Variants in DGKI observed in about 807,000 individuals in gnomAD.
DGKI encodes diacylglycerol kinase iota.
In DGKI, 55 loss-of-function variants were observed where a neutral mutation model predicts 147.5. That is an observed-to-expected ratio of 0.37 (90% CI 0.30 to 0.47). DGKI has a LOEUF of 0.47. Among genes scored for constraint, DGKI ranks in the 20% least tolerant of loss-of-function variants. DGKI has a pLI of 1.00. For missense variants in DGKI, 1,007 were observed against 1,323.8 expected (o/e 0.76, Z 3.71); for synonymous variants, 469 against 477.1 (o/e 0.98, Z 0.22).
At chr7:137,567,250 G>C (rs1411896574) in intron 19 of DGKI, among the ~76,000 whole-genome samples, 1 of 136,542 alleles carries the variant, frequency 7.3e-6, no homozygotes, top group Non-Finnish European at 1.5e-5. Flanking sequence ...GGCAACAAGA[G>C]CAAAACTCCA....
intron 23 of DGKI, among the ~76,000 whole-genome samples, chr7:137,472,396 A>ATGTATATATACAT (rs1396290321): frequency 0.012 from 1,122 of 94,380 alleles, 29 homozygotes; most frequent in African/African-American, 0.019. Flanking sequence ...TACATATTAT[A>ATGTATATATACAT]ATTATTATAT....
Position 137,444,072 on chromosome 7 carries a change from C to A in DGKI, c.2761+5G>T. The A allele has an allele frequency of 6.4e-7, 1 of 1,565,258 alleles. No homozygotes were observed. Among genetic ancestry groups the A allele is most frequent in the Non-Finnish European group, 8.7e-7 (1 of 1,154,514 alleles). ...ATTGGTATAAATAAGACAGATGATT[C>A]TTACCATGATCTTCTGAAGAGACTG... On this transcript the variant is annotated splice_donor_5th_base_variant and intron_variant, in intron 28 of 32. Transcript: ENST00000614521.
chr7:137,469,797 T>G (rs1814811448), intron 23 of DGKI, among the ~76,000 whole-genome samples, 178 bp from the exon 24 acceptor site: 1 of 152,226 alleles, frequency 6.6e-6, no homozygotes, highest in Admixed American at 6.5e-5. Context: ...CATAGAACTT[T>G]TGAAAATGAC....
chr7:137,824,796 G>T (rs995850273), intron 1 of DGKI, among the ~76,000 whole-genome samples: 1 of 152,150 alleles, frequency 6.6e-6, no homozygotes, highest in Admixed American at 6.5e-5. Flanking sequence ...AGTTATAAGT[G>T]AGAGCATGCA....
intron 5 of DGKI, among the ~76,000 whole-genome samples, chr7:137,649,764 T>C (rs555138667): frequency 1.1e-4 from 16 of 147,128 alleles, no homozygotes; most frequent in African/African-American, 3.7e-4. Context: ...AAAAATTTTA[T>C]ATATATATGT....
intron 1 of DGKI, among the ~76,000 whole-genome samples, chr7:137,752,411 G>A (rs529193034): frequency 1.3e-5 from 2 of 152,108 alleles, no homozygotes; most frequent in Non-Finnish European, 2.9e-5. Flanking sequence ...CAAAATGTAC[G>A]GAATTCCGCT....
intron 28 of DGKI, among the ~76,000 whole-genome samples, chr7:137,420,783 C>T (rs2128905838): frequency 6.6e-6 from 1 of 152,238 alleles, no homozygotes; most frequent in Non-Finnish European, 1.5e-5. Context: ...CTTTGGGAGG[C>T]CGAGGCAGGT....
chr7:137,746,748 C>G (rs937553535), intron 1 of DGKI, among the ~76,000 whole-genome samples: 4 of 89,338 alleles, frequency 4.5e-5, no homozygotes, highest in African/African-American at 1.7e-4. Context: ...CCAAACCCAC[C>G]TGGTATCAGG....
At chr7:137,642,584 T>C (rs1346211750) in intron 6 of DGKI, among the ~76,000 whole-genome samples, 3 of 152,186 alleles carry the variant, frequency 2.0e-5, no homozygotes, top group Non-Finnish European at 2.9e-5. Flanking sequence ...TCAAGGACTA[T>C]GAATGACAAT....
chr7:137,618,883 G>A (rs752927201), intron 8 of DGKI, among the ~76,000 whole-genome samples: 9 of 152,118 alleles, frequency 5.9e-5, no homozygotes, highest in South Asian at 2.1e-4. Flanking sequence ...AATTTTATTC[G>A]TAAACATTAC....
At chr7:137,767,904 A>G (rs1186008364) in intron 1 of DGKI, among the ~76,000 whole-genome samples, 1 of 152,182 alleles carries the variant, frequency 6.6e-6, no homozygotes, top group African/African-American at 2.4e-5. Context: ...AATAAAGGTG[A>G]GCTATTTTTA....
chr7:137,716,857 C>T (rs1473584503), intron 1 of DGKI, among the ~76,000 whole-genome samples: 4 of 152,214 alleles, frequency 2.6e-5, no homozygotes, highest in African/African-American at 4.8e-5. Flanking sequence ...CAAATAACAA[C>T]CAGCTCTACC....
intron 1 of DGKI, among the ~76,000 whole-genome samples, chr7:137,742,128 C>T (rs907316816): frequency 3.9e-5 from 6 of 152,042 alleles, no homozygotes; most frequent in African/African-American, 1.5e-4. Flanking sequence ...TATAGTGTAC[C>T]TTCTTCCAAA....
chr7:137,664,835 A>G (rs573817016), intron 3 of DGKI, among the ~76,000 whole-genome samples: 1 of 152,326 alleles, frequency 6.6e-6, no homozygotes, highest in Admixed American at 6.5e-5. Context: ...TGACAGAAAT[A>G]AGTACTAAAA....
At chr7:137,734,145 G>A (rs1439695121) in intron 1 of DGKI, among the ~76,000 whole-genome samples, 1 of 152,078 alleles carries the variant, frequency 6.6e-6, no homozygotes, top group East Asian at 1.9e-4. Flanking sequence ...CTCTAACTGT[G>A]AGCTGGACTT....
intron 21 of DGKI, among the ~76,000 whole-genome samples, chr7:137,489,925 T>C (rs1359135977): frequency 6.6e-6 from 1 of 152,154 alleles, no homozygotes; most frequent in Non-Finnish European, 1.5e-5. Context: ...CATTTTAAAC[T>C]ACAATTAGAG....
rs1183157381 is a variant in DGKI, at chr7:137,647,154, TA to T, written c.739-1618del. 2.0e-5 allele frequency among the ~76,000 whole-genome samples: 3 copies of T among 152,212 alleles called. No homozygotes were observed. In the South Asian group the frequency reaches 6.2e-4, roughly 32 times the overall value. On this transcript the variant is annotated intron_variant, in intron 5 of 32. Transcript: ENST00000614521. The stretch of plus-strand genomic sequence containing the variant: ...GTTGAGTACTGTGAGCCATGCGCTT[TA>T]AAAAATATTTTATAAGTAATAATTC...
At chr7:137,622,636 CTGGGCA>C (rs2128998297) in intron 7 of DGKI, among the ~76,000 whole-genome samples, 1 of 152,200 alleles carries the variant, frequency 6.6e-6, no homozygotes, top group African/African-American at 2.4e-5. Flanking sequence ...ATATAAATAA[CTGGGCA>C]TGGCTGCATT....
chr7:137,727,392 G>T (rs993212247), intron 1 of DGKI, among the ~76,000 whole-genome samples: 1 of 152,080 alleles, frequency 6.6e-6, no homozygotes, highest in African/African-American at 2.4e-5. Flanking sequence ...CACTCAATTA[G>T]GCAATACTCA....
Sources: gnomAD v4.1 joint callset for allele counts (sites outside exome capture counted in the v4.1 genomes callset) on GRCh38, gnomAD v4.1.1 for gene constraint, MANE v1.5 for transcripts, NCBI Gene and HGNC (gene_info 2026-07-23, HGNC 2026-07-21) for gene names.